The following MPP4 variants were observed in gnomAD, a reference collection of about 807,000 sequenced individuals.
The protein encoded by MPP4 is MAGUK p55 subfamily member 4.
Under a neutral mutation model 98.3 loss-of-function variants are expected in MPP4, and 91 were observed. That is an observed-to-expected ratio of 0.93 (90% CI 0.78 to 1.10). MPP4 has a LOEUF of 1.10. Ranked by LOEUF, MPP4 falls within the 50% of genes least tolerant of loss-of-function variation. The pLI is 0.00. For synonymous variants in MPP4, 261 were observed against 271.8 expected, an observed-to-expected ratio of 0.96 and a Z score of 0.39; for missense variants, 744 against 792.9, an observed-to-expected ratio of 0.94 and a Z score of 0.74.
chr2:201,650,035 C>G (rs1559595749), intron 19 of MPP4, 37 bp downstream of exon 19: 1 of 1,497,984 alleles, frequency 6.7e-7, no homozygotes, highest in Non-Finnish European at 9.0e-7. Context: ...TGTAAAACAA[C>G]AAGAGGTAAG....
At chr2:201,679,877 G>A (rs912692449) in intron 10 of MPP4, among the ~76,000 whole-genome samples, 3 of 152,014 alleles carry the variant, frequency 2.0e-5, no homozygotes, top group Non-Finnish European at 2.9e-5. Flanking sequence ...TGAGGATTTC[G>A]GCCCCACTTC....
chr2:201,671,346 T>C (rs1403078814), intron 11 of MPP4, among the ~76,000 whole-genome samples: 3 of 152,184 alleles, frequency 2.0e-5, no homozygotes, highest in Non-Finnish European at 4.4e-5. Context: ...AGCACAGCAG[T>C]CTGAAGTTGA....
At chr2:201,663,832 T>C (rs1688091350) in intron 14 of MPP4, among the ~76,000 whole-genome samples, 3 of 152,156 alleles carry the variant, frequency 2.0e-5, no homozygotes, top group East Asian at 3.8e-4. Flanking sequence ...CAATGAGCCA[T>C]GATCACACCA....
intron 20 of MPP4, 64 bp downstream of exon 20, chr2:201,649,512 T>G: frequency 8.3e-7 from 1 of 1,203,654 alleles, no homozygotes; most frequent in Non-Finnish European, 1.2e-6. Context: ...CTACAGCATG[T>G]GCACAAAAAA....
chr2:201,698,198 A>C (rs907229874), intron 1 of MPP4: 6 of 544,834 alleles, frequency 1.1e-5, no homozygotes, highest in Middle Eastern at 8.0e-4. Flanking sequence ...ACAACCCCCT[A>C]CCCTTACTAT....
At chr2:201,660,304 G>T (rs183636358) in intron 15 of MPP4, 28 bp downstream of exon 15, 4 of 1,585,100 alleles carry the variant, frequency 2.5e-6, no homozygotes, top group Admixed American at 1.7e-5. Flanking sequence ...AGTTCTATTT[G>T]GTATATCTAG....
Position 201,660,328 on chromosome 2 carries a change from T to C in MPP4, c.1087+4A>G. On this transcript the variant is annotated splice_donor_region_variant and intron_variant, in intron 15 of 21. Coordinates refer to ENST00000409474, the MANE Select transcript of MPP4 (RefSeq NM_033066.3). ...TGGTATATCTAGGAAATAAAAACAATTACCTTCTGAAAGTTCCTCTGGATA... is the reference window on the plus strand; with the variant it reads ...TGGTATATCTAGGAAATAAAAACAACTACCTTCTGAAAGTTCCTCTGGATA... The C allele has an allele frequency of 1.2e-6, 2 of 1,612,724 alleles. No individual in the cohort carries two copies. The highest frequency in any genetic ancestry group is 1.7e-6 in the Non-Finnish European group (2 of 1,178,736).
chr2:201,680,138 C>T (rs953086018), intron 10 of MPP4: 5 of 152,208 alleles, frequency 3.3e-5, no homozygotes, highest in African/African-American at 9.7e-5. Flanking sequence ...CCCTTGGTAG[C>T]TTGTCAAAAC....
At chr2:201,659,020 C>G (rs1303337170) in intron 15 of MPP4, among the ~76,000 whole-genome samples, 2 of 152,052 alleles carry the variant, frequency 1.3e-5, no homozygotes, top group African/African-American at 2.4e-5. Flanking sequence ...CTCAGCCTCC[C>G]GAGTTGCTGG....
At chr2:201,695,528 A>T (rs1246685862) in intron 1 of MPP4, among the ~76,000 whole-genome samples, 1 of 152,206 alleles carries the variant, frequency 6.6e-6, no homozygotes, top group Non-Finnish European at 1.5e-5. Context: ...TGAGGCAGGG[A>T]AGGTGAAAAA....
At chr2:201,664,288 A>T in intron 13 of MPP4, 187 bp from the exon 14 acceptor site, 1 of 1,467,388 alleles carries the variant, frequency 6.8e-7, no homozygotes, top group African/African-American at 1.4e-5. Context: ...CATGAAACAC[A>T]TGGTATTCGG....
intron 10 of MPP4, among the ~76,000 whole-genome samples, chr2:201,679,038 T>C (rs1385289097): frequency 6.6e-6 from 1 of 151,594 alleles, no homozygotes; most frequent in Non-Finnish European, 1.5e-5. Flanking sequence ...AACAGCAATC[T>C]CTCCTTAATT....
intron 12 of MPP4, 58 bp downstream of exon 12, chr2:201,669,675 C>T: frequency 1.6e-6 from 2 of 1,263,490 alleles, no homozygotes; most frequent in Admixed American, 3.2e-5. Flanking sequence ...CTTTAAACTA[C>T]AAGAAATTTC....
chr2:201,660,212 A>C (rs940949256), intron 15 of MPP4, 120 bp downstream of exon 15: 20 of 1,007,440 alleles, frequency 2.0e-5, no homozygotes, highest in Non-Finnish European at 3.0e-5. Context: ...GAAAACCATA[A>C]ACAACAACAA....
intron 18 of MPP4, 58 bp downstream of exon 18, chr2:201,654,779 A>C: frequency 8.0e-7 from 1 of 1,244,518 alleles, no homozygotes; most frequent in Admixed American, 2.1e-5. Context: ...GTTAAATGAG[A>C]TCAGCAAAGA....
intron 20 of MPP4, 67 bp from the exon 21 acceptor site, chr2:201,647,892 G>C: frequency 6.7e-7 from 1 of 1,482,692 alleles, no homozygotes. Flanking sequence ...GTCTTGCTCT[G>C]TCACCCAGGC....
chr2:201,678,945 C>T (rs1163876186), intron 10 of MPP4, among the ~76,000 whole-genome samples: 1 of 152,024 alleles, frequency 6.6e-6, no homozygotes, highest in Non-Finnish European at 1.5e-5. Context: ...GGTGCTTGAT[C>T]TCCTCTTTTC....
Position 201,666,346 on chromosome 2 carries a change from AT to A in MPP4, c.1038del (p.Lys346AsnfsTer31). On this transcript the variant is annotated frameshift_variant, in exon 13 of 22. Transcript: ENST00000409474. LOFTEE classifies it high-confidence loss of function. Reference protein sequence around the residue: ...EEEDDMKIDEKCVEADEETFE... With the variant: ...EEEDDMKIDEXCVEADEETFE... ...GAGAAAATGTTACCTGCTTCCACAC[AT>A]TTCTCATCAATCTTCATGTCATCTT... 1 of 1,557,042 alleles carries A rather than the reference AT, an allele frequency of 6.4e-7. No homozygotes were observed. Among genetic ancestry groups the A allele is most frequent in the South Asian group, 1.2e-5 (1 of 82,756 alleles).
At chr2:201,671,280 C>A (rs1239423083) in intron 11 of MPP4, among the ~76,000 whole-genome samples, 2 of 152,136 alleles carry the variant, frequency 1.3e-5, no homozygotes, top group Non-Finnish European at 1.5e-5. Flanking sequence ...CTCAGCAGAT[C>A]CCACCCCCAC....
Sources: gnomAD v4.1 joint callset for allele counts (sites outside exome capture counted in the v4.1 genomes callset) on GRCh38, gnomAD v4.1.1 for gene constraint, MANE v1.5 for transcripts, NCBI Gene and HGNC (gene_info 2026-07-23, HGNC 2026-07-21) for gene names.